The following PDE4D variants were observed in gnomAD, a reference collection of about 807,000 sequenced individuals.
PDE4D encodes the protein 3',5'-cyclic-AMP phosphodiesterase 4D.
Under a neutral mutation model 87.4 loss-of-function variants are expected in PDE4D, and 24 were observed. The observed-to-expected ratio is 0.27, with a 90% CI of 0.20 to 0.39. The LOEUF (loss-of-function observed/expected upper bound fraction) is 0.39. PDE4D is among the 10% of genes least tolerant of loss of function. The probability of loss-of-function intolerance (pLI) is 1.00; values close to 1 mark genes in which losing one functional copy is unlikely to be tolerated. For synonymous variants in PDE4D, 384 were observed against 383.2 expected (o/e 1.00, Z -0.02); for missense variants, 714 against 1,041.0 (o/e 0.69, Z 4.32).
At chr5:60,288,547 G>C (rs955111446) in intron 1 of PDE4D, among the ~76,000 whole-genome samples, 2 of 152,108 alleles carry the variant, frequency 1.3e-5, no homozygotes, top group African/African-American at 4.8e-5. Flanking sequence ...TAGGAAAGAT[G>C]GGACTAAAAA....
At chr5:59,540,246 T>G (rs1004497437) in intron 1 of PDE4D, among the ~76,000 whole-genome samples, 1 of 152,164 alleles carries the variant, frequency 6.6e-6, no homozygotes, top group Admixed American at 6.6e-5. Context: ...CTTGCTCTCT[T>G]TCTTTCATTT....
intron 3 of PDE4D, among the ~76,000 whole-genome samples, chr5:59,951,999 T>C (rs965729709): frequency 6.6e-6 from 1 of 152,134 alleles, no homozygotes; most frequent in Non-Finnish European, 1.5e-5. Flanking sequence ...TCATCTTAAA[T>C]TATAATCCCC....
intron 1 of PDE4D, among the ~76,000 whole-genome samples, chr5:59,727,290 G>C (rs1756739923): frequency 6.6e-6 from 1 of 152,050 alleles, no homozygotes; most frequent in Non-Finnish European, 1.5e-5. Context: ...TTGAGTCTCA[G>C]CTCCTGTCAA....
chr5:59,453,132 C>G (rs115370157), intron 1 of PDE4D, among the ~76,000 whole-genome samples: 2,809 of 152,144 alleles, frequency 0.018, 90 homozygotes, highest in African/African-American at 0.065. Context: ...TCTGTAATTG[C>G]TGATTGTTGA....
At position 59,504,681 on chromosome 5, in the gene PDE4D, C is replaced by T. The variant is rs1339542576; in HGVS notation, c.456-288713G>A. ...GTTAAGAAAGCCCATGTGTTCTCTC[C>T]TTTGGTGATGGTGGGAAATTCAAAC... On this transcript the variant is annotated intron_variant, in intron 1 of 14. Coordinates refer to ENST00000340635, the MANE Select transcript of PDE4D (RefSeq NM_001104631.2). Among the ~76,000 whole-genome samples the T allele has an allele frequency of 4.6e-5, 7 of 152,098 alleles. No homozygotes were observed. The East Asian group carries it at 1.3e-3, about 29-fold the overall frequency.
rs142201944 is a variant in PDE4D, at chr5:60,440,561, C to T, written c.-90+47381G>A. Among the ~76,000 whole-genome samples the T allele has an allele frequency of 3.3e-3, 498 of 152,064 alleles. 3 individuals are homozygous for T. Among genetic ancestry groups the T allele is most frequent in the Middle Eastern group, 0.01 (3 of 294 alleles). Reference sequence around the variant, plus strand: ...TTCATTTGAAGAACTGATAGAATTTCTAAAGACACAGGAGAGATAGGGCGT... The same window carrying T: ...TTCATTTGAAGAACTGATAGAATTTTTAAAGACACAGGAGAGATAGGGCGT... On this transcript the variant is annotated intron_variant, in intron 1 of 16. Transcript: ENST00000502484.
chr5:59,166,650 A>C (rs917515168), intron 5 of PDE4D, among the ~76,000 whole-genome samples: 10 of 152,214 alleles, frequency 6.6e-5, no homozygotes, highest in African/African-American at 1.9e-4. Flanking sequence ...TCCATGTGAT[A>C]CTTCTTAAAA....
At chr5:59,253,046 C>T (rs1043837797) in intron 1 of PDE4D, among the ~76,000 whole-genome samples, 1 of 152,140 alleles carries the variant, frequency 6.6e-6, no homozygotes, top group African/African-American at 2.4e-5. Flanking sequence ...TCTCTAGTCA[C>T]ATTATACATA....
intron 3 of PDE4D, chr5:59,986,931 A>G (rs1029624772): frequency 5.9e-5 from 9 of 152,186 alleles, no homozygotes; most frequent in Admixed American, 5.9e-4. Flanking sequence ...GTCTCAACTC[A>G]TTACTGGAGG....
chr5:59,475,608 G>T (rs1025215033), intron 1 of PDE4D, among the ~76,000 whole-genome samples: 1 of 152,006 alleles, frequency 6.6e-6, no homozygotes, highest in Non-Finnish European at 1.5e-5. Flanking sequence ...ATCTTAAAGG[G>T]GCTGGGGGCT....
chr5:59,469,110 G>A (rs1460959108), intron 1 of PDE4D, among the ~76,000 whole-genome samples: 5 of 152,094 alleles, frequency 3.3e-5, no homozygotes, highest in African/African-American at 1.2e-4. Flanking sequence ...GGTGGATCAC[G>A]AGGTCAGGAG....
intron 1 of PDE4D, among the ~76,000 whole-genome samples, chr5:59,307,925 G>A (rs1468969025): frequency 3.3e-5 from 5 of 151,866 alleles, no homozygotes; most frequent in African/African-American, 4.8e-5. Flanking sequence ...TGTTTATTGC[G>A]GCACTATTCA....
intron 1 of PDE4D, among the ~76,000 whole-genome samples, chr5:60,383,993 C>A (rs576757520): frequency 1.3e-5 from 2 of 152,146 alleles, no homozygotes; most frequent in South Asian, 4.2e-4. Context: ...CTCTACAGAC[C>A]AGATTCTTAA....
intron 2 of PDE4D, among the ~76,000 whole-genome samples, chr5:60,118,296 G>A (rs538427898): frequency 4.2e-4 from 64 of 152,258 alleles, no homozygotes; most frequent in African/African-American, 1.4e-3. Context: ...CCTTGAGACT[G>A]TTTAAGTTGA....
chr5:58,981,225 C>T (rs1397823639), intron 11 of PDE4D, among the ~76,000 whole-genome samples: 3 of 152,140 alleles, frequency 2.0e-5, no homozygotes, highest in Non-Finnish European at 4.4e-5. Flanking sequence ...ATTACAAATT[C>T]TGCCCCTTGT....
intron 1 of PDE4D, among the ~76,000 whole-genome samples, chr5:59,291,321 A>T (rs1373851749): frequency 1.3e-5 from 2 of 152,120 alleles, no homozygotes; most frequent in Admixed American, 1.3e-4. Flanking sequence ...TAGGTGAAAT[A>T]AGTTACTCAC....
chr5:60,496,308 G>T (rs955665469), intron 1 of PDE4D, among the ~76,000 whole-genome samples: 1 of 152,050 alleles, frequency 6.6e-6, no homozygotes, highest in Non-Finnish European at 1.5e-5. Flanking sequence ...AAATGACTTG[G>T]TCTTAAACTG....
chr5:59,769,571 G>T (rs1763236660), intron 1 of PDE4D, among the ~76,000 whole-genome samples: 3 of 152,158 alleles, frequency 2.0e-5, no homozygotes, highest in Non-Finnish European at 4.4e-5. Flanking sequence ...GAGCTTAAAA[G>T]AAATAATTTT....
chr5:59,795,090 G>C (rs182126786), intron 1 of PDE4D, among the ~76,000 whole-genome samples: 132 of 152,306 alleles, frequency 8.7e-4, no homozygotes, highest in African/African-American at 3.1e-3. Context: ...GCTAATGTAA[G>C]GCTTGGCCAT....
Sources: allele counts gnomAD v4.1 joint callset (sites outside exome capture counted in the v4.1 genomes callset), GRCh38; gene constraint gnomAD v4.1.1; transcripts MANE v1.5; gene names NCBI Gene and HGNC (gene_info 2026-07-23, HGNC 2026-07-21).